ISY1: variants seen among roughly 807,000 people sequenced by gnomAD.
ISY1 encodes pre-mRNA-splicing factor ISY1 homolog.
ISY1 carries 12 observed loss-of-function variants against 54.4 expected under a neutral mutation model. That is an observed-to-expected ratio of 0.22 (90% CI 0.14 to 0.36). The LOEUF is 0.36. ISY1 is among the 10% of genes least tolerant of loss of function. The pLI, the probability that ISY1 is intolerant of heterozygous loss-of-function variation, is 1.00. For synonymous variants in ISY1, 96 were observed against 117.9 expected (o/e 0.81, Z 1.20); for missense variants, 282 against 342.2 (o/e 0.82, Z 1.39).
At chr3:129,150,706 T>C (rs1576887505) in intron 5 of ISY1, among the ~76,000 whole-genome samples, 1 of 152,070 alleles carries the variant, frequency 6.6e-6, no homozygotes, top group Admixed American at 6.6e-5. Flanking sequence ...CTCAAAAAAA[T>C]AAATAAATAA....
chr3:129,139,508 C>T (rs774563419), intron 7 of ISY1, among the ~76,000 whole-genome samples: 4 of 152,104 alleles, frequency 2.6e-5, no homozygotes, highest in African/African-American at 4.8e-5. Flanking sequence ...TGTTGACTAC[C>T]TTTCTAAAAC....
At position 129,134,143 on chromosome 3, in the gene ISY1, T is replaced by C. The variant is rs1246445773; in HGVS notation, c.594A>G (p.Ala198=). ...CCTCCTCCTCTTCCTTTTCTCCTCT[T>C]GCCAGCCGAGCCTCTCTCTCTGCTT... ...KWKAEREARL[A]RGEKEEEEEE... The change falls in exon 9 of 11, where the codon GCA becomes GCG. Residue 198 remains alanine (A), a synonymous_variant. Coordinates refer to ENST00000393295, the MANE Select transcript of ISY1 (RefSeq NM_020701.4). 6.2e-7 allele frequency: 1 copy of C among 1,614,016 alleles called. No individual in the cohort carries two copies. Among genetic ancestry groups the C allele is most frequent in the African/African-American group, 1.3e-5 (1 of 74,934 alleles).
intron 8 of ISY1, among the ~76,000 whole-genome samples, chr3:129,134,453 A>G (rs1471450031): frequency 6.6e-6 from 1 of 152,184 alleles, no homozygotes; most frequent in African/African-American, 2.4e-5. Flanking sequence ...GTGGATTCCC[A>G]ACATGTCCAC....
chr3:129,130,515 C>T (rs1936207422), intron 10 of ISY1, 35 bp downstream of exon 10: 1 of 1,610,344 alleles, frequency 6.2e-7, no homozygotes, highest in Non-Finnish European at 8.5e-7. Flanking sequence ...TAGAGAAGCC[C>T]CCGGCGCCCA....
chr3:129,130,692 G>T, intron 9 of ISY1, 56 bp from the exon 10 acceptor site: 1 of 1,595,636 alleles, frequency 6.3e-7, no homozygotes, highest in Non-Finnish European at 8.6e-7. Context: ...ATAAATGCTG[G>T]CAACTCTATA....
intron 5 of ISY1, among the ~76,000 whole-genome samples, chr3:129,153,609 C>G (rs530684932): frequency 7.3e-5 from 11 of 151,516 alleles, no homozygotes; most frequent in Admixed American, 5.3e-4. Flanking sequence ...TGGTGAAACC[C>G]CGTCTCTACT....
At chr3:129,159,300 T>A in intron 1 of ISY1, 124 bp from the exon 2 acceptor site, 1 of 1,261,746 alleles carries the variant, frequency 7.9e-7, no homozygotes, top group Non-Finnish European at 1.1e-6. Context: ...AAGTACTATA[T>A]GAACAACAAT....
chr3:129,138,625 C>T (rs1375868387), intron 7 of ISY1, among the ~76,000 whole-genome samples: 3 of 151,298 alleles, frequency 2.0e-5, no homozygotes, highest in Admixed American at 6.6e-5. Context: ...GCCTTGGTGA[C>T]AGAGCGAGAC....
intron 5 of ISY1, among the ~76,000 whole-genome samples, chr3:129,150,388 T>C (rs999429483): frequency 2.0e-5 from 3 of 152,200 alleles, no homozygotes; most frequent in African/African-American, 7.2e-5. Context: ...GTTTTCAGCA[T>C]ACAGATCCTG....
At chr3:129,135,014 T>C in intron 7 of ISY1, 60 bp from the exon 8 acceptor site, 1 of 1,544,562 alleles carries the variant, frequency 6.5e-7, no homozygotes, top group Non-Finnish European at 8.8e-7. Flanking sequence ...AGCGAAGCTG[T>C]CTCCTGATGC....
intron 5 of ISY1, among the ~76,000 whole-genome samples, chr3:129,153,487 C>A (rs540728446): frequency 6.6e-6 from 1 of 152,104 alleles, no homozygotes; most frequent in East Asian, 1.9e-4. Flanking sequence ...TTGTAACAAT[C>A]AAAAATTTCT....
At position 129,156,852 on chromosome 3, in the gene ISY1, T is replaced by C. The variant is rs1937158218; in HGVS notation, c.144+3A>G. 1 of 1,613,838 alleles carries C rather than the reference T, an allele frequency of 6.2e-7. No homozygotes were observed. Among genetic ancestry groups the C allele is most frequent in the Non-Finnish European group, 8.5e-7 (1 of 1,179,932 alleles). On this transcript the variant is annotated splice_donor_region_variant and intron_variant, in intron 4 of 10. Transcript: ENST00000393295. The stretch of plus-strand genomic sequence containing the variant: ...ACTGAAATCAGATTTACCCAGAACA[T>C]ACCTGTCGTCTCCACTTCTCAGCTT...
At chr3:129,147,590 G>A (rs1334135157) in intron 5 of ISY1, among the ~76,000 whole-genome samples, 1 of 151,992 alleles carries the variant, frequency 6.6e-6, no homozygotes, top group African/African-American at 2.4e-5. Context: ...AAGGCATCTT[G>A]GAGAAAACAA....
intron 6 of ISY1, among the ~76,000 whole-genome samples, chr3:129,142,799 A>G (rs1200096027): frequency 6.6e-6 from 1 of 152,124 alleles, no homozygotes; most frequent in Non-Finnish European, 1.5e-5. Flanking sequence ...TCACACCTAT[A>G]ATCCCAGCAC....
intron 5 of ISY1, among the ~76,000 whole-genome samples, chr3:129,156,398 CA>C (rs11437245): frequency 8.1e-4 from 93 of 115,272 alleles, no homozygotes; most frequent in African/African-American, 2.7e-3. Flanking sequence ...GACTCTGTCT[CA>C]AAAAAAAAAA....
At chr3:129,143,460 C>A (rs1042803545) in intron 6 of ISY1, among the ~76,000 whole-genome samples, 1 of 150,146 alleles carries the variant, frequency 6.7e-6, no homozygotes, top group Admixed American at 6.7e-5. Flanking sequence ...GAGCCAAGAT[C>A]GCACCACTGC....
chr3:129,138,791 C>T (rs566839117), intron 7 of ISY1, among the ~76,000 whole-genome samples: 5 of 143,204 alleles, frequency 3.5e-5, no homozygotes, highest in Admixed American at 7.1e-5. Flanking sequence ...CTCCAGCCTG[C>T]GCAACAGAGC....
intron 5 of ISY1, among the ~76,000 whole-genome samples, chr3:129,147,892 GTT>G (rs1212895940): frequency 1.3e-5 from 2 of 151,890 alleles, no homozygotes; most frequent in Non-Finnish European, 2.9e-5. Flanking sequence ...AGTATTTTGA[GTT>G]TTGTTTCTTT....
chr3:129,160,791 CCA>C (rs1333512487), intron 1 of ISY1, among the ~76,000 whole-genome samples, 180 bp downstream of exon 1: 1 of 152,154 alleles, frequency 6.6e-6, no homozygotes, highest in African/African-American at 2.4e-5. Context: ...TCCCGAGTTT[CCA>C]GTTTTCCAAT....
Sources: gnomAD v4.1 joint callset for allele counts (sites outside exome capture counted in the v4.1 genomes callset) on GRCh38, gnomAD v4.1.1 for gene constraint, MANE v1.5 for transcripts, NCBI Gene and HGNC (gene_info 2026-07-23, HGNC 2026-07-21) for gene names.